Variants in AFF2 observed in about 807,000 individuals in gnomAD.
AFF2 encodes ALF transcription elongation factor 2.
In AFF2, 14 loss-of-function variants were observed where a neutral mutation model predicts 76.9. The ratio of observed to expected loss-of-function variants is 0.18; its 90% CI spans 0.12 to 0.28. AFF2 has a LOEUF of 0.28. Among genes scored for constraint, AFF2 ranks in the 10% least tolerant of loss-of-function variants. The probability of loss-of-function intolerance (pLI) is 1.00; values close to 1 mark genes in which losing one functional copy is unlikely to be tolerated. For synonymous variants in AFF2, 398 were observed against 366.7 expected (o/e 1.09, Z -0.98); for missense variants, 868 against 1,001.1 (o/e 0.87, Z 1.79).
chrX:148,778,869 T>C (rs1418368148), intron 3 of AFF2, among the ~76,000 whole-genome samples: 3 of 111,596 alleles, frequency 2.7e-5, no homozygotes, highest in African/African-American at 9.8e-5. Flanking sequence ...GCTCTGATCT[T>C]AGTTATTTCT....
At chrX:148,763,053 A>G (rs782734622) in intron 3 of AFF2, among the ~76,000 whole-genome samples, 41 of 112,230 alleles carry the variant, frequency 3.7e-4, no homozygotes, top group Non-Finnish European at 7.5e-4. Context: ...ATATTTTAAA[A>G]TAAATATACC....
chrX:148,715,503 T>C (rs1439745261), intron 3 of AFF2, among the ~76,000 whole-genome samples: 1 of 111,346 alleles, frequency 9.0e-6, no homozygotes, highest in Non-Finnish European at 1.9e-5. Context: ...CTCCTGTTGC[T>C]GCCAGACTTG....
At chrX:148,951,381 A>G (rs1557286612) in intron 9 of AFF2, among the ~76,000 whole-genome samples, 1 of 111,897 alleles carries the variant, frequency 8.9e-6, no homozygotes, top group Non-Finnish European at 1.9e-5. Context: ...GTGGAACTCT[A>G]TCCAGAAATA....
At chrX:148,837,428 T>C (rs1426206285) in intron 4 of AFF2, among the ~76,000 whole-genome samples, 1 of 111,719 alleles carries the variant, frequency 9.0e-6, no homozygotes, top group Non-Finnish European at 1.9e-5. Flanking sequence ...GATGATGCTG[T>C]CTCAACATGG....
In AFF2 at chrX:148,955,609, C is replaced by T; in HGVS notation, c.1564C>T (p.Pro522Ser). 9 of 1,198,684 alleles carry T rather than the reference C, an allele frequency of 7.5e-6. No individual in the cohort carries two copies. The highest frequency in any genetic ancestry group is 1.8e-5 in the African/African-American group (1 of 57,131). ...GCTGTTTCTCAATCTGCAGCCTGAG[C>T]CACCCTCAACCAACAAGTGGCAACT... ...APRVATPEPE[P>S]PSTNKWQLDK... is the part of the protein sequence containing the mutation. The change falls in exon 11 of 21, where the codon CCA becomes TCA. Residue 522 changes from proline to serine, a missense_variant. Physicochemically the swap from Pro to Ser is moderately conservative, Grantham distance 74. This residue lies in a region of AFF2 where 532 missense variants were observed against 564.2 expected (regional missense o/e 0.94). Coordinates refer to ENST00000370460, the MANE Select transcript of AFF2 (RefSeq NM_002025.4).
At chrX:148,707,700 C>A (rs1430594608) in intron 3 of AFF2, among the ~76,000 whole-genome samples, 1 of 110,819 alleles carries the variant, frequency 9.0e-6, no homozygotes, top group Non-Finnish European at 1.9e-5. Context: ...GGCTTGAGGT[C>A]ATAGAATAAA....
chrX:148,905,936 A>G (rs781888466), intron 9 of AFF2, among the ~76,000 whole-genome samples: 1 of 112,868 alleles, frequency 8.9e-6, no homozygotes, highest in South Asian at 3.7e-4. Flanking sequence ...ATGTTATAAA[A>G]AGAAGGAACA....
At chrX:148,550,450 T>C (rs782203005) in intron 1 of AFF2, among the ~76,000 whole-genome samples, 6 of 111,807 alleles carry the variant, frequency 5.4e-5, no homozygotes, top group African/African-American at 1.9e-4. Flanking sequence ...TCTAATTTTG[T>C]TTTACAGTGG....
At chrX:148,515,074 A>G (rs1249622614) in intron 1 of AFF2, among the ~76,000 whole-genome samples, 5 of 112,020 alleles carry the variant, frequency 4.5e-5, no homozygotes, top group Admixed American at 3.8e-4. Flanking sequence ...AGGAGACTGG[A>G]CAGAATGAAA....
At chrX:148,938,736 C>T (rs1217760647) in intron 9 of AFF2, among the ~76,000 whole-genome samples, 1 of 112,084 alleles carries the variant, frequency 8.9e-6, no homozygotes, top group Non-Finnish European at 1.9e-5. Context: ...ATGCAAATCA[C>T]AGGAGGTTAG....
At chrX:148,536,963 A>G (rs2052792619) in intron 1 of AFF2, among the ~76,000 whole-genome samples, 1 of 112,537 alleles carries the variant, frequency 8.9e-6, no homozygotes, top group Non-Finnish European at 1.9e-5. Context: ...GCTTTTACTC[A>G]GTCTGTTGTA....
At chrX:148,876,676 T>C (rs1331470905) in intron 7 of AFF2, among the ~76,000 whole-genome samples, 1 of 111,604 alleles carries the variant, frequency 9.0e-6, no homozygotes, top group African/African-American at 3.3e-5. Flanking sequence ...TCAGGTCTTG[T>C]AAGGAGTAGT....
At chrX:148,739,000 A>G (rs2055318808) in intron 3 of AFF2, among the ~76,000 whole-genome samples, 1 of 111,255 alleles carries the variant, frequency 9.0e-6, no homozygotes, top group African/African-American at 3.3e-5. Flanking sequence ...TATAATTTCA[A>G]TTTTCTTAAA....
intron 6 of AFF2, 114 bp downstream of exon 6, chrX:148,843,116 A>T (rs782721769): frequency 3.3e-6 from 2 of 607,788 alleles, no homozygotes; most frequent in African/African-American, 2.3e-5. Flanking sequence ...AATAACAAAA[A>T]GTTATTTTAA....
At chrX:148,779,714 T>C (rs1557268908) in intron 3 of AFF2, among the ~76,000 whole-genome samples, 1 of 112,133 alleles carries the variant, frequency 8.9e-6, no homozygotes, top group Non-Finnish European at 1.9e-5. Context: ...TGTCAATCTG[T>C]GTCTTTTAAT....
intron 9 of AFF2, among the ~76,000 whole-genome samples, chrX:148,906,024 T>C (rs1557281400): frequency 8.9e-6 from 1 of 112,094 alleles, no homozygotes; most frequent in African/African-American, 3.2e-5. Context: ...TAAACCTAAG[T>C]CATAACCAAC....
At chrX:148,564,587 T>C (rs991901974) in intron 1 of AFF2, among the ~76,000 whole-genome samples, 3 of 110,874 alleles carry the variant, frequency 2.7e-5, no homozygotes, top group Non-Finnish European at 5.7e-5. Context: ...TACACCATTT[T>C]CCATTCTTAA....
At chrX:148,874,260 G>T (rs183707465) in intron 7 of AFF2, among the ~76,000 whole-genome samples, 1 of 111,775 alleles carries the variant, frequency 8.9e-6, no homozygotes, top group Admixed American at 9.5e-5. Flanking sequence ...ATTCTTTTAA[G>T]GCTGCTTCTA....
At chrX:148,600,763 G>A (rs1268504164) in intron 1 of AFF2, among the ~76,000 whole-genome samples, 1 of 112,069 alleles carries the variant, frequency 8.9e-6, no homozygotes, top group Non-Finnish European at 1.9e-5. Flanking sequence ...CCAGATGCCT[G>A]CCGCCCCCAA....
Sources: gnomAD v4.1 joint callset for allele counts (sites outside exome capture counted in the v4.1 genomes callset) on GRCh38, gnomAD v4.1.1 for gene constraint, gnomAD v4.1.1 regional missense constraint, MANE v1.5 for transcripts, NCBI Gene and HGNC (gene_info 2026-07-23, HGNC 2026-07-21) for gene names.